STXBP5L: variants seen among roughly 807,000 people sequenced by gnomAD.
STXBP5L encodes syntaxin-binding protein 5-like.
STXBP5L carries 65 observed loss-of-function variants against 144.5 expected under a neutral mutation model. That is an observed-to-expected ratio of 0.45 (90% CI 0.37 to 0.55). The LOEUF (loss-of-function observed/expected upper bound fraction) is 0.55, where lower values mean the gene tolerates loss of function less well. Ranked by LOEUF, STXBP5L falls within the 20% of genes least tolerant of loss-of-function variation. STXBP5L has a pLI of 0.00. For synonymous variants in STXBP5L, 505 were observed against 469.6 expected (o/e 1.08, Z -0.97); for missense variants, 1,298 against 1,405.5 (o/e 0.92, Z 1.22).
At chr3:121,403,549 A>G (rs1347540306) in intron 22 of STXBP5L, among the ~76,000 whole-genome samples, 5 of 152,188 alleles carry the variant, frequency 3.3e-5, no homozygotes, top group African/African-American at 1.2e-4. Context: ...AAGAGAAACA[A>G]TGGGTTCTAG....
chr3:121,026,964 A>T (rs971747662), intron 3 of STXBP5L, among the ~76,000 whole-genome samples: 1 of 151,898 alleles, frequency 6.6e-6, no homozygotes, highest in Non-Finnish European at 1.5e-5. Context: ...CTCTGAGTAG[A>T]CTTCTTTCTA....
Position 121,418,529 on chromosome 3 carries a change from C to G in STXBP5L, c.3419C>G (p.Ala1140Gly). The G allele has an allele frequency of 6.2e-7, 1 of 1,613,990 alleles. No homozygotes were observed. Among genetic ancestry groups the G allele is most frequent in the Non-Finnish European group, 8.5e-7 (1 of 1,179,940 alleles). Residue 1140 changes from alanine (A) to glycine (G), a missense_variant, in exon 26 of 27, where the codon GCA (alanine) becomes GGA (glycine). Transcript: ENST00000471454. ...EEKTAGMMTS[A>G]EAFSKHAHEL... ...AAAACTGCAGGCATGATGACCAGTG[C>G]AGAAGCATTTTCCAAACATGCACAT...
chr3:121,253,896 G>T (rs142120017), intron 15 of STXBP5L, among the ~76,000 whole-genome samples: 3,258 of 146,096 alleles, frequency 0.022, 125 homozygotes, highest in African/African-American at 0.078. Context: ...CTGGTGATCC[G>T]CCCACCTCGG....
intron 7 of STXBP5L, among the ~76,000 whole-genome samples, chr3:121,133,511 CA>C (rs1228686676): frequency 5.9e-5 from 9 of 152,154 alleles, no homozygotes; most frequent in Admixed American, 3.3e-4. Context: ...TACTGTCCAT[CA>C]AGAATAGTAT....
intron 7 of STXBP5L, among the ~76,000 whole-genome samples, chr3:121,146,839 T>C (rs1207787665): frequency 1.2e-4 from 18 of 152,120 alleles, no homozygotes; most frequent in Admixed American, 1.2e-3. Context: ...ATACAGGTAG[T>C]GCTTACTTTG....
intron 5 of STXBP5L, among the ~76,000 whole-genome samples, chr3:121,092,527 G>A (rs1405889530): frequency 3.3e-5 from 5 of 152,118 alleles, no homozygotes; most frequent in African/African-American, 9.7e-5. Flanking sequence ...TATTCTCTTT[G>A]AAGCAATTGG....
At chr3:121,347,029 T>G (rs1368338808) in intron 20 of STXBP5L, among the ~76,000 whole-genome samples, 1 of 152,244 alleles carries the variant, frequency 6.6e-6, no homozygotes, top group Non-Finnish European at 1.5e-5. Flanking sequence ...TCCTTGCCCA[T>G]GCCTATGTCC....
intron 23 of STXBP5L, among the ~76,000 whole-genome samples, chr3:121,411,933 G>C (rs1008609780): frequency 3.3e-5 from 5 of 152,148 alleles, no homozygotes; most frequent in Non-Finnish European, 7.4e-5. Flanking sequence ...TGTCATTGTA[G>C]GAACATGTGA....
rs1553751668 is a variant in STXBP5L at position 121,257,150 on chromosome 3, A to G, written c.1660-11A>G. On this transcript the variant is annotated splice_polypyrimidine_tract_variant and intron_variant, in intron 16 of 26. Transcript: ENST00000471454. ...GTGACTTAAATTAAATTTAAACTTG[A>G]TTTTTTTAAGTCATTAGAGGTACGA... 4.5e-6 allele frequency: 7 copies of G among 1,572,980 alleles called. No homozygotes were observed. Among genetic ancestry groups the G allele is most frequent in the Non-Finnish European group, 6.1e-6 (7 of 1,155,234 alleles).
intron 22 of STXBP5L, among the ~76,000 whole-genome samples, chr3:121,385,573 A>G (rs797000182): frequency 9.8e-5 from 15 of 152,290 alleles, no homozygotes; most frequent in African/African-American, 3.6e-4. Flanking sequence ...GTTATTTTTA[A>G]CACTCTTTCA....
chr3:120,932,022 A>G (rs1161584857), intron 2 of STXBP5L, among the ~76,000 whole-genome samples: 2 of 152,206 alleles, frequency 1.3e-5, no homozygotes, highest in Non-Finnish European at 2.9e-5. Context: ...GCTATATAGT[A>G]TAGCCTATTG....
At chr3:121,071,379 A>G (rs187038629) in intron 5 of STXBP5L, among the ~76,000 whole-genome samples, 2,238 of 152,324 alleles carry the variant, frequency 0.015, 24 homozygotes, top group Non-Finnish European at 0.023. Context: ...AGCAGGGCTC[A>G]GTGTTTCCTC....
chr3:121,284,032 C>T (rs1297084772), intron 19 of STXBP5L, among the ~76,000 whole-genome samples: 1 of 151,732 alleles, frequency 6.6e-6, no homozygotes, highest in African/African-American at 2.4e-5. Context: ...TTATTTTATG[C>T]TAAGAAGCTA....
chr3:121,025,884 A>G (rs1945891438), intron 3 of STXBP5L, among the ~76,000 whole-genome samples: 2 of 146,616 alleles, frequency 1.4e-5, no homozygotes, highest in South Asian at 2.1e-4. Context: ...AATTATTTAT[A>G]TATTTATAAT....
chr3:121,006,437 T>A (rs1944312709), intron 3 of STXBP5L, among the ~76,000 whole-genome samples: 1 of 152,158 alleles, frequency 6.6e-6, no homozygotes, highest in Non-Finnish European at 1.5e-5. Context: ...ATTTTGAGCC[T>A]ATGTGTGTCC....
chr3:120,933,191 TATA>T (rs1576440801), intron 2 of STXBP5L, among the ~76,000 whole-genome samples: 1 of 152,076 alleles, frequency 6.6e-6, no homozygotes, highest in African/African-American at 2.4e-5. Flanking sequence ...AAACTTAAAG[TATA>T]ATAATAATAA....
At chr3:120,998,805 A>G (rs1002312011) in intron 3 of STXBP5L, among the ~76,000 whole-genome samples, 1 of 152,228 alleles carries the variant, frequency 6.6e-6, no homozygotes, top group African/African-American at 2.4e-5. Context: ...GAATGCAGCT[A>G]ACCTGGGCAG....
intron 9 of STXBP5L, among the ~76,000 whole-genome samples, chr3:121,196,530 T>G (rs1222582774): frequency 1.3e-5 from 2 of 152,204 alleles, no homozygotes; most frequent in African/African-American, 4.8e-5. Context: ...TTGTATATAT[T>G]TTTTCTTTAA....
chr3:121,083,077 T>C (rs2042325225), intron 5 of STXBP5L, among the ~76,000 whole-genome samples: 1 of 151,946 alleles, frequency 6.6e-6, no homozygotes, highest in Non-Finnish European at 1.5e-5. Flanking sequence ...GCGTGCTCTG[T>C]AGTCCCAGCT....
Sources: allele counts gnomAD v4.1 joint callset (sites outside exome capture counted in the v4.1 genomes callset), GRCh38; gene constraint gnomAD v4.1.1; transcripts MANE v1.5; gene names NCBI Gene and HGNC (gene_info 2026-07-23, HGNC 2026-07-21).